The following WWOX variants were observed in gnomAD, a reference collection of about 807,000 sequenced individuals.
The protein encoded by WWOX is WW domain-containing oxidoreductase.
WWOX carries 69 observed loss-of-function variants against 46.2 expected under a neutral mutation model. The ratio of observed to expected loss-of-function variants is 1.49; its 90% CI spans 1.23 to 1.82. WWOX has a LOEUF of 1.82. Among genes scored for constraint, WWOX ranks in the 40% most tolerant of loss-of-function variants. WWOX has a pLI of 0.00. For missense variants in WWOX, 919 were observed against 542.6 expected (o/e 1.69, Z -6.89); for synonymous variants, 359 against 202.6 (o/e 1.77, Z -6.56).
intron 8 of WWOX, among the ~76,000 whole-genome samples, chr16:79,200,693 C>A (rs1327849477): frequency 6.6e-6 from 1 of 152,116 alleles, no homozygotes; most frequent in Non-Finnish European, 1.5e-5. Flanking sequence ...AGCTATTGAG[C>A]CTCACACTCC....
At chr16:79,155,692 A>C (rs1478819679) in intron 8 of WWOX, among the ~76,000 whole-genome samples, 1 of 152,140 alleles carries the variant, frequency 6.6e-6, no homozygotes, top group Non-Finnish European at 1.5e-5. Context: ...ATAGGAGGTC[A>C]GGGAGGGGCC....
intron 8 of WWOX, among the ~76,000 whole-genome samples, chr16:78,941,809 G>A (rs16948968): frequency 0.011 from 1,692 of 152,236 alleles, 50 homozygotes; most frequent in East Asian, 0.095. Context: ...CTTCATGTAA[G>A]TCAAGGATTG....
At chr16:78,751,315 C>A (rs1240655058) in intron 8 of WWOX, among the ~76,000 whole-genome samples, 1 of 151,020 alleles carries the variant, frequency 6.6e-6, no homozygotes, top group East Asian at 1.9e-4. Context: ...AGCTGGGTTT[C>A]CTGGGAGTCA....
intron 5 of WWOX, among the ~76,000 whole-genome samples, chr16:78,254,499 C>CTTTTT (rs1597405923): frequency 3.8e-5 from 2 of 52,138 alleles, no homozygotes; most frequent in African/African-American, 2.4e-4. Context: ...TCTTTTCTTT[C>CTTTTT]TTGTTTTTTT....
intron 8 of WWOX, among the ~76,000 whole-genome samples, chr16:78,481,511 A>G (rs1033399700): frequency 1.3e-5 from 2 of 152,192 alleles, no homozygotes; most frequent in Admixed American, 6.5e-5. Context: ...TCGTTTGTTT[A>G]TCATTAGCCC....
intron 8 of WWOX, among the ~76,000 whole-genome samples, chr16:78,853,220 T>G (rs1364532316): frequency 1.3e-5 from 2 of 152,084 alleles, no homozygotes; most frequent in East Asian, 3.8e-4. Context: ...TATTATTATT[T>G]TTTTCTTTTT....
intron 8 of WWOX, among the ~76,000 whole-genome samples, chr16:79,178,187 G>A (rs781698366): frequency 6.6e-6 from 1 of 152,110 alleles, no homozygotes; most frequent in Non-Finnish European, 1.5e-5. Flanking sequence ...CTATCATAGT[G>A]CAAAACAACC....
At chr16:78,913,862 T>C (rs987744022) in intron 8 of WWOX, among the ~76,000 whole-genome samples, 7 of 151,972 alleles carry the variant, frequency 4.6e-5, no homozygotes, top group African/African-American at 1.4e-4. Context: ...GGTCTTGCTA[T>C]GTTGTCCAGG....
At chr16:78,426,314 A>G (rs1007245402) in intron 7 of WWOX, among the ~76,000 whole-genome samples, 1 of 152,188 alleles carries the variant, frequency 6.6e-6, no homozygotes, top group Non-Finnish European at 1.5e-5. Context: ...CCAGTCATCC[A>G]CCAGATGTGG....
intron 8 of WWOX, among the ~76,000 whole-genome samples, chr16:79,134,005 A>T (rs1353121777): frequency 6.6e-6 from 1 of 152,184 alleles, no homozygotes; most frequent in African/African-American, 2.4e-5. Flanking sequence ...CTCATGCTGG[A>T]CTATCTAAGC....
At chr16:78,309,704 T>TAAAATA (rs2080203584) in intron 5 of WWOX, among the ~76,000 whole-genome samples, 1 of 152,222 alleles carries the variant, frequency 6.6e-6, no homozygotes, top group African/African-American at 2.4e-5. Context: ...AGTTTCACTC[T>TAAAATA]TTCAATCAAC....
intron 8 of WWOX, chr16:79,016,829 A>C (rs373787171): frequency 5.3e-5 from 8 of 152,358 alleles, no homozygotes; most frequent in African/African-American, 1.9e-4. Flanking sequence ...TTTTTAAAGA[A>C]GACTGACGTC....
intron 8 of WWOX, among the ~76,000 whole-genome samples, chr16:78,732,113 C>G (rs764478500): frequency 1.3e-5 from 2 of 152,062 alleles, no homozygotes; most frequent in Admixed American, 1.3e-4. Flanking sequence ...ATCCTCCTGC[C>G]GTGGTCTCCA....
At chr16:78,634,875 C>T (rs537469686) in intron 8 of WWOX, among the ~76,000 whole-genome samples, 17 of 137,454 alleles carry the variant, frequency 1.2e-4, no homozygotes, top group South Asian at 4.6e-4. Context: ...TGTGTGTGTG[C>T]GCGTGCATGT....
At chr16:78,886,955 T>C (rs1167034850) in intron 8 of WWOX, among the ~76,000 whole-genome samples, 1 of 152,086 alleles carries the variant, frequency 6.6e-6, no homozygotes, top group Non-Finnish European at 1.5e-5. Context: ...ATAAAATTCT[T>C]AAAGTTTATA....
In WWOX at chr16:79,039,959, T is replaced by C. The variant is rs557991671; in HGVS notation, c.1057-171649T>C. 2.1e-4 allele frequency among the ~76,000 whole-genome samples: 32 copies of C among 152,304 alleles called. No homozygotes were observed. In the South Asian group the frequency reaches 6.6e-3, roughly 32 times the overall value. On this transcript the variant is annotated intron_variant, in intron 8 of 8. Coordinates refer to ENST00000566780, the MANE Select transcript of WWOX (RefSeq NM_016373.4). ...ACATCTGGAGGGGTGTAGTGTGTTGTAAATGCATACGATCATGCTGGTACA... is the reference window on the plus strand; with the variant it reads ...ACATCTGGAGGGGTGTAGTGTGTTGCAAATGCATACGATCATGCTGGTACA...
intron 8 of WWOX, among the ~76,000 whole-genome samples, chr16:78,740,985 A>C (rs1452357643): frequency 6.6e-6 from 1 of 152,174 alleles, no homozygotes; most frequent in African/African-American, 2.4e-5. Context: ...CTTCTCTTAC[A>C]GGCCATGGGT....
At chr16:78,627,047 C>A (rs145618047) in intron 8 of WWOX, among the ~76,000 whole-genome samples, 1 of 152,108 alleles carries the variant, frequency 6.6e-6, no homozygotes, top group Non-Finnish European at 1.5e-5. Context: ...CTTCCCCCCA[C>A]CTCATACATA....
At chr16:78,502,915 G>C (rs1212897871) in intron 8 of WWOX, among the ~76,000 whole-genome samples, 2 of 152,174 alleles carry the variant, frequency 1.3e-5, no homozygotes, top group Non-Finnish European at 1.5e-5. Flanking sequence ...GGGCCTCCCT[G>C]CTTCCAGCGA....
Sources: gnomAD v4.1 joint callset for allele counts (sites outside exome capture counted in the v4.1 genomes callset) on GRCh38, gnomAD v4.1.1 for gene constraint, MANE v1.5 for transcripts, NCBI Gene and HGNC (gene_info 2026-07-23, HGNC 2026-07-21) for gene names.